The following KIRREL3 variants were observed in gnomAD, a reference collection of about 807,000 sequenced individuals.
KIRREL3 encodes the protein kin of IRRE-like protein 3.
In KIRREL3, 36 loss-of-function variants were observed where a neutral mutation model predicts 89.7. That is an observed-to-expected ratio of 0.40 (90% CI 0.31 to 0.53). The LOEUF (loss-of-function observed/expected upper bound fraction) is 0.53. Ranked by LOEUF, KIRREL3 falls within the 20% of genes least tolerant of loss-of-function variation. The pLI, the probability that KIRREL3 is intolerant of heterozygous loss-of-function variation, is 0.49. For synonymous variants in KIRREL3, 445 were observed against 441.4 expected (o/e 1.01, Z -0.10); for missense variants, 864 against 1,056.6 (o/e 0.82, Z 2.53).
chr11:126,467,650 A>AAT (rs1956770731), intron 5 of KIRREL3, among the ~76,000 whole-genome samples: 1 of 150,886 alleles, frequency 6.6e-6, no homozygotes, highest in South Asian at 2.1e-4. Flanking sequence ...TTTTTAAAAA[A>AAT]TCATGGCTCT....
rs1591435340 is a variant in KIRREL3, at chr11:126,990,103, G to A, written c.55+10352C>T. Among the ~76,000 whole-genome samples the A allele has an allele frequency of 6.6e-6, 1 of 152,156 alleles. No individual in the cohort carries two copies. Among genetic ancestry groups the A allele is most frequent in the Non-Finnish European group, 1.5e-5 (1 of 68,006 alleles). On this transcript the variant is annotated intron_variant, in intron 1 of 16. Coordinates refer to ENST00000525144, the MANE Select transcript of KIRREL3 (RefSeq NM_032531.4). The surrounding 1 kb of genome is among the most constrained non-coding windows in gnomAD (Gnocchi z 6.3). ...GGGCAGGGGGCACAGGCCTGGAGGC[G>A]GCTCTAGGGAGAGGTAGGGGCTCTG...
intron 1 of KIRREL3, among the ~76,000 whole-genome samples, chr11:126,869,176 C>G (rs969546057): frequency 7.3e-6 from 1 of 137,674 alleles, no homozygotes; most frequent in Admixed American, 7.4e-5. Flanking sequence ...TTTTTTTTCT[C>G]CTAGCAGGAC....
At chr11:126,984,287 C>T (rs1336763429) in intron 1 of KIRREL3, among the ~76,000 whole-genome samples, 13 of 152,338 alleles carry the variant, frequency 8.5e-5, no homozygotes, top group Admixed American at 7.8e-4. Context: ...AGGCTCCTTC[C>T]CTCTTCCATA....
At chr11:126,504,228 C>T (rs940140910) in intron 4 of KIRREL3, among the ~76,000 whole-genome samples, 17 of 152,136 alleles carry the variant, frequency 1.1e-4, no homozygotes, top group Admixed American at 9.8e-4. Context: ...GCTATTCCAG[C>T]CTGAGTCCCT....
intron 1 of KIRREL3, among the ~76,000 whole-genome samples, chr11:126,998,458 C>A (rs1171887630): frequency 6.6e-6 from 1 of 152,082 alleles, no homozygotes; most frequent in Non-Finnish European, 1.5e-5. Context: ...AGGTATCTAC[C>A]ATTTGGTAGG....
intron 1 of KIRREL3, among the ~76,000 whole-genome samples, chr11:126,961,912 T>C (rs909894230): frequency 1.3e-5 from 2 of 152,214 alleles, no homozygotes; most frequent in African/African-American, 4.8e-5. Flanking sequence ...GCAGAGTAGA[T>C]TGGAACAATG....
At chr11:126,938,604 T>C (rs1948304735) in intron 1 of KIRREL3, among the ~76,000 whole-genome samples, 1 of 152,158 alleles carries the variant, frequency 6.6e-6, no homozygotes, top group South Asian at 2.1e-4. Context: ...AAACATTATG[T>C]ATAGGAAATT....
chr11:126,793,224 C>A (rs539657082), intron 1 of KIRREL3, among the ~76,000 whole-genome samples: 1 of 151,878 alleles, frequency 6.6e-6, no homozygotes, highest in South Asian at 2.1e-4. Context: ...CTGGAAATTC[C>A]TTTAGACTCT....
rs111418068 is a variant in KIRREL3 at position 126,473,332 on chromosome 11, T to C, written c.568A>G (p.Ile190Val). The part of the protein sequence containing the change: ...SIIWLRKGEV[I>V]NGATYSKTLL... ...ACCTTGGAGTAGGTGGCCCCATTGA[T>C]GACCTCTCCCTTTCGCAACCAGATG... The change falls in exon 5 of 17, where the codon ATC becomes GTC. Residue 190 changes from isoleucine to valine, a missense_variant. Coordinates refer to ENST00000525144, the MANE Select transcript of KIRREL3 (RefSeq NM_032531.4). The C allele has an allele frequency of 0.052, 76,930 of 1,484,966 alleles. 2,332 individuals carry two copies. Among genetic ancestry groups the C allele is most frequent in the Middle Eastern group, 0.091 (522 of 5,758 alleles). 92.0% of individuals were successfully genotyped at this position (1,484,966 alleles called of 1,614,324 possible).
chr11:126,701,924 C>T (rs1012201886), intron 1 of KIRREL3, among the ~76,000 whole-genome samples: 5 of 152,060 alleles, frequency 3.3e-5, no homozygotes, highest in South Asian at 2.1e-4. Flanking sequence ...CCCGGGGTCT[C>T]GATGTGTCAT....
intron 1 of KIRREL3, among the ~76,000 whole-genome samples, chr11:126,869,154 CTTT>C (rs36033176): frequency 2.1e-4 from 26 of 121,252 alleles, no homozygotes; most frequent in African/African-American, 5.6e-4. Context: ...TGCCTGAGGG[CTTT>C]TTTTTTTTTT....
intron 9 of KIRREL3, 62 bp from the exon 10 acceptor site, chr11:126,445,167 G>A: frequency 7.6e-6 from 12 of 1,585,708 alleles, no homozygotes; most frequent in Non-Finnish European, 1.0e-5. Flanking sequence ...TTGTCTCTGG[G>A]AACAAGGCAG....
At chr11:126,658,118 C>G (rs911639986) in intron 1 of KIRREL3, among the ~76,000 whole-genome samples, 1 of 152,194 alleles carries the variant, frequency 6.6e-6, no homozygotes, top group African/African-American at 2.4e-5. Flanking sequence ...CTCGCAGCTT[C>G]AATACCCAAA....
chr11:126,633,855 T>C (rs753413744), intron 1 of KIRREL3, among the ~76,000 whole-genome samples: 1 of 152,236 alleles, frequency 6.6e-6, no homozygotes, highest in Non-Finnish European at 1.5e-5. Flanking sequence ...GCAACGTATC[T>C]ACAGTGTAGA....
intron 1 of KIRREL3, among the ~76,000 whole-genome samples, chr11:126,646,473 A>ATTTTTTT (rs71279461): frequency 6.3e-5 from 8 of 127,424 alleles, no homozygotes; most frequent in South Asian, 2.6e-4. Context: ...TGCCCCAAGT[A>ATTTTTTT]TTTTTTTTTT....
chr11:126,671,279 A>G (rs1961231), intron 1 of KIRREL3, among the ~76,000 whole-genome samples: 51,733 of 147,488 alleles, frequency 0.35, 9,309 homozygotes, highest in Admixed American at 0.43. Flanking sequence ...CACTGCCCAC[A>G]CCACTCTTGA....
rs988006305 is a variant in KIRREL3, at chr11:126,776,830, C to A, written c.56-213918G>T. ...AGCCCTGAGAGATGGGGGCTCATAC[C>A]CAGCCAGCAGTGTCCCAGCTTTCCT... On this transcript the variant is annotated intron_variant, in intron 1 of 16. Coordinates refer to ENST00000525144, the MANE Select transcript of KIRREL3 (RefSeq NM_032531.4). This position sits in a 1 kb window ranked among gnomAD's most constrained non-coding sequence, Gnocchi z 4.7. Among the ~76,000 whole-genome samples, 1 of 152,178 alleles carries A rather than the reference C, an allele frequency of 6.6e-6. No individual in the cohort carries two copies. The highest frequency in any genetic ancestry group is 2.4e-5 in the African/African-American group (1 of 41,450).
At chr11:126,863,468 TGTGTG>T (rs1434847827) in intron 1 of KIRREL3, among the ~76,000 whole-genome samples, 2 of 115,778 alleles carry the variant, frequency 1.7e-5, no homozygotes, top group African/African-American at 3.5e-5. Flanking sequence ...AGTGCGTGTG[TGTGTG>T]AGTGCGTGTG....
At chr11:126,790,385 C>T (rs1303686711) in intron 1 of KIRREL3, among the ~76,000 whole-genome samples, 2 of 152,176 alleles carry the variant, frequency 1.3e-5, no homozygotes, top group Non-Finnish European at 2.9e-5. Context: ...TGTCAAGAGG[C>T]TCTCCCCTGG....
Sources: allele counts gnomAD v4.1 joint callset (sites outside exome capture counted in the v4.1 genomes callset), GRCh38; gene constraint gnomAD v4.1.1; non-coding constraint Gnocchi (gnomAD v3.1); transcripts MANE v1.5; gene names NCBI Gene and HGNC (gene_info 2026-07-23, HGNC 2026-07-21).